Variants in LDLRAD4 observed in about 807,000 individuals in gnomAD.
The protein encoded by LDLRAD4 is low density lipoprotein receptor class A domain containing 4.
In LDLRAD4, 5 loss-of-function variants were observed where a neutral mutation model predicts 17.0. That is an observed-to-expected ratio of 0.29 (90% CI 0.15 to 0.62). The LOEUF (loss-of-function observed/expected upper bound fraction) is 0.62, where lower values mean the gene tolerates loss of function less well. LDLRAD4 is among the 20% of genes least tolerant of loss of function. LDLRAD4 has a pLI of 0.84. For missense variants in LDLRAD4, 340 were observed against 424.7 expected (o/e 0.80, Z 1.75); for synonymous variants, 168 against 171.8 (o/e 0.98, Z 0.17).
At chr18:13,337,255 G>A (rs2082146659) in intron 1 of LDLRAD4, among the ~76,000 whole-genome samples, 1 of 152,170 alleles carries the variant, frequency 6.6e-6, no homozygotes, top group African/African-American at 2.4e-5. Flanking sequence ...CTACAGCCGT[G>A]TCTTTCAGGG....
At chr18:13,457,043 G>T (rs1028819772) in intron 3 of LDLRAD4, among the ~76,000 whole-genome samples, 1 of 152,234 alleles carries the variant, frequency 6.6e-6, no homozygotes, top group Non-Finnish European at 1.5e-5. Flanking sequence ...GGCCTAGTGT[G>T]TGGGGCTTCC....
intron 1 of LDLRAD4, among the ~76,000 whole-genome samples, chr18:13,311,911 A>G (rs1259808569): frequency 6.7e-6 from 1 of 150,198 alleles, no homozygotes; most frequent in East Asian, 2.0e-4. Flanking sequence ...GGCTCACTGC[A>G]AGCCTCCCCT....
chr18:13,311,428 G>T (rs138607939), intron 1 of LDLRAD4, among the ~76,000 whole-genome samples: 6 of 152,184 alleles, frequency 3.9e-5, no homozygotes, highest in Admixed American at 6.5e-5. Context: ...CTTGGCTTCT[G>T]CCACACTCCC....
intron 3 of LDLRAD4, among the ~76,000 whole-genome samples, chr18:13,550,964 C>T (rs1398762315): frequency 1.3e-5 from 2 of 152,150 alleles, no homozygotes; most frequent in African/African-American, 4.8e-5. Context: ...CAGTCATGCC[C>T]CCTCTGTGCT....
chr18:13,596,239 C>A (rs1370224473), intron 3 of LDLRAD4, among the ~76,000 whole-genome samples: 1 of 152,062 alleles, frequency 6.6e-6, no homozygotes, highest in African/African-American at 2.4e-5. Flanking sequence ...ATGTTTTTTA[C>A]TTTCAACCTA....
exon 6 of LDLRAD4, chr18:13,650,055 G>A (rs988794087): frequency 2.3e-5 from 9 of 398,582 alleles, no homozygotes; most frequent in Non-Finnish European, 2.2e-5. Context: ...CTTACCGTTC[G>A]CCATTTCCAC....
At position 13,220,592 on chromosome 18, in the gene LDLRAD4, A is replaced by G. The variant is rs142086422; in HGVS notation, c.-467+1604A>G. Among the ~76,000 whole-genome samples the G allele has an allele frequency of 2.1e-3, 317 of 152,226 alleles. 1 individual carries two copies. The highest frequency in any genetic ancestry group is 7.3e-3 in the African/African-American group (302 of 41,526). On this transcript the variant is annotated intron_variant, in intron 1 of 5. Transcript: ENST00000399848. ...ACTGGAGTATATACATACATAGACA[A>G]ATATTTATTTTCCCCCAACTGCTGA...
rs183516108 is a variant in LDLRAD4 at position 13,466,819 on chromosome 18, A to G, written c.181+28435A>G. Among the ~76,000 whole-genome samples, 459 of 152,298 alleles carry G rather than the reference A, an allele frequency of 3.0e-3. 14 individuals carry two copies. Among genetic ancestry groups the G allele is most frequent in the Admixed American group, 0.024 (372 of 15,294 alleles). On this transcript the variant is annotated intron_variant, in intron 3 of 5. Transcript: ENST00000359446. ...CTGTTTCCTGGTTCATAGATGGAAC[A>G]TTCTTGTTATATCTTCACATGGTGG...
At chr18:13,518,437 A>G (rs2093903700) in intron 3 of LDLRAD4, among the ~76,000 whole-genome samples, 1 of 152,210 alleles carries the variant, frequency 6.6e-6, no homozygotes, top group Non-Finnish European at 1.5e-5. Flanking sequence ...CTCCTTATAC[A>G]AAGTTCCCAA....
chr18:13,356,709 G>A (rs80141061), intron 1 of LDLRAD4, among the ~76,000 whole-genome samples: 2,003 of 152,172 alleles, frequency 0.013, 21 homozygotes, highest in Non-Finnish European at 0.021. Flanking sequence ...CCCCTTTCCC[G>A]TCACACCATC....
At chr18:13,624,613 A>G (rs1180495343) in intron 4 of LDLRAD4, among the ~76,000 whole-genome samples, 2 of 152,164 alleles carry the variant, frequency 1.3e-5, no homozygotes, top group Non-Finnish European at 2.9e-5. Context: ...TGGGGCAGGT[A>G]TGAGGACCTG....
chr18:13,333,208 A>G (rs73421312), intron 1 of LDLRAD4, among the ~76,000 whole-genome samples: 1,880 of 152,246 alleles, frequency 0.012, 18 homozygotes, highest in African/African-American at 0.034. Flanking sequence ...GGCCATCTCT[A>G]TATCTTTGAG....
Position 13,294,742 on chromosome 18 carries a change from T to C in LDLRAD4, c.-383+16554T>C, listed in dbSNP as rs147680374. Among the ~76,000 whole-genome samples, 1,213 of 152,126 alleles carry C rather than the reference T, an allele frequency of 8.0e-3. 14 individuals carry two copies. The highest frequency in any genetic ancestry group is 0.027 in the African/African-American group (1,135 of 41,504). On this transcript the variant is annotated intron_variant, in intron 1 of 5. Coordinates refer to ENST00000359446, the Ensembl canonical transcript of LDLRAD4. ...TTAATGGTCACTAGGAAAATTCCGGTTGCAGACTTTTTACATCACACTTGA... is the reference window on the plus strand; with the variant it reads ...TTAATGGTCACTAGGAAAATTCCGGCTGCAGACTTTTTACATCACACTTGA...
At chr18:13,417,029 A>C (rs1376054442) in intron 2 of LDLRAD4, among the ~76,000 whole-genome samples, 1 of 152,216 alleles carries the variant, frequency 6.6e-6, no homozygotes, top group Non-Finnish European at 1.5e-5. Flanking sequence ...GCCAGTAAGT[A>C]GTAGAGCCAG....
In LDLRAD4 at chr18:13,393,991, G is replaced by A. The variant is rs193286861; in HGVS notation, c.40+6229G>A. ...ATCTTTTGTGATGTGTACAGGAGAA[G>A]CCTAGACAGTCTGCCTACTTGCAAT... is the stretch of plus-strand genomic sequence containing the variant. On this transcript the variant is annotated intron_variant, in intron 2 of 5. Coordinates refer to ENST00000359446, the Ensembl canonical transcript of LDLRAD4. Among the ~76,000 whole-genome samples the A allele has an allele frequency of 1.3e-3, 203 of 152,218 alleles. 1 individual carries two copies. Among genetic ancestry groups the A allele is most frequent in the African/African-American group, 4.4e-3 (182 of 41,522 alleles).
chr18:13,444,360 C>G (rs7245077), intron 3 of LDLRAD4, among the ~76,000 whole-genome samples: 1,773 of 152,318 alleles, frequency 0.012, 27 homozygotes, highest in African/African-American at 0.04. Flanking sequence ...CTCTCCCCTT[C>G]TCTTCCTTAT....
chr18:13,643,391 A>G, exon 5 of LDLRAD4: 1 of 1,247,166 alleles, frequency 8.0e-7, no homozygotes, highest in Non-Finnish European at 1.0e-6. Context: ...ACAGCGCCGC[A>G]CCGCGGCTGG....
At chr18:13,429,542 G>A (rs577197310) in intron 2 of LDLRAD4, among the ~76,000 whole-genome samples, 1 of 152,356 alleles carries the variant, frequency 6.6e-6, no homozygotes, top group Admixed American at 6.5e-5. Flanking sequence ...ATAATTCAGA[G>A]CAGGCGACGG....
intron 3 of LDLRAD4, among the ~76,000 whole-genome samples, chr18:13,574,241 G>T (rs2094735213): frequency 1.3e-5 from 2 of 152,222 alleles, no homozygotes; most frequent in Admixed American, 1.3e-4. Flanking sequence ...TTGCTTTTGT[G>T]TGTGGGTATT....
Sources: gnomAD v4.1 joint callset for allele counts (sites outside exome capture counted in the v4.1 genomes callset) on GRCh38, gnomAD v4.1.1 for gene constraint, MANE v1.5 for transcripts, NCBI Gene and HGNC (gene_info 2026-07-23, HGNC 2026-07-21) for gene names.